STX8: variants seen among roughly 807,000 people sequenced by gnomAD.
STX8 encodes the protein syntaxin 8.
A neutral mutation model predicts 37.5 loss-of-function variants in STX8; 23 were observed. The ratio of observed to expected loss-of-function variants is 0.61; its 90% confidence interval spans 0.44 to 0.87. The LOEUF (loss-of-function observed/expected upper bound fraction) is 0.87, where lower values mean the gene tolerates loss of function less well. STX8 is among the 40% of genes least tolerant of loss of function. The pLI is 0.00. For missense variants in STX8, 313 were observed against 284.7 expected (o/e 1.10, Z -0.71); for synonymous variants, 115 against 99.1 (o/e 1.16, Z -0.95).
intron 3 of STX8, chr17:9,555,117 T>G (rs182281517): frequency 6.6e-6 from 1 of 152,322 alleles, no homozygotes; most frequent in African/African-American, 2.4e-5. Context: ...TTCTAAATTA[T>G]CCACATTAAG....
chr17:9,400,586 G>C (rs1057344954), intron 6 of STX8, among the ~76,000 whole-genome samples: 6 of 151,572 alleles, frequency 4.0e-5, no homozygotes, highest in Non-Finnish European at 1.5e-5. Context: ...TGTATTTTTA[G>C]TAGAGACAGG....
At chr17:9,413,584 T>C (rs1396994654) in intron 6 of STX8, among the ~76,000 whole-genome samples, 1 of 152,164 alleles carries the variant, frequency 6.6e-6, no homozygotes, top group Non-Finnish European at 1.5e-5. Context: ...CCATTGTTTT[T>C]CCCCCTAGTC....
At chr17:9,380,074 T>C (rs975519475) in intron 6 of STX8, among the ~76,000 whole-genome samples, 2 of 152,136 alleles carry the variant, frequency 1.3e-5, no homozygotes, top group Admixed American at 6.6e-5. Context: ...GCATATATAG[T>C]ATAGTACGAT....
chr17:9,468,743 C>T (rs1905721025), intron 6 of STX8, among the ~76,000 whole-genome samples: 1 of 152,184 alleles, frequency 6.6e-6, no homozygotes, highest in Non-Finnish European at 1.5e-5. Context: ...GGGTGTTCCC[C>T]ATCCAATGAC....
chr17:9,477,325 T>G (rs879095349), intron 6 of STX8, among the ~76,000 whole-genome samples: 1 of 152,158 alleles, frequency 6.6e-6, no homozygotes, highest in African/African-American at 2.4e-5. Context: ...TGACATATAA[T>G]TCAGCCCATA....
intron 6 of STX8, among the ~76,000 whole-genome samples, chr17:9,426,570 G>A (rs1332937868): frequency 1.3e-5 from 2 of 151,910 alleles, no homozygotes; most frequent in African/African-American, 2.4e-5. Context: ...GACCTGCCTG[G>A]GCAACACAGT....
intron 6 of STX8, among the ~76,000 whole-genome samples, chr17:9,464,468 T>C (rs1210234239): frequency 1.3e-5 from 2 of 148,782 alleles, no homozygotes; most frequent in Admixed American, 6.7e-5. Context: ...TTAGCAACTT[T>C]AGCAAAATAG....
At chr17:9,369,139 A>G (rs964990362) in intron 7 of STX8, among the ~76,000 whole-genome samples, 10 of 152,304 alleles carry the variant, frequency 6.6e-5, no homozygotes, top group African/African-American at 2.4e-4. Context: ...CACAGATGAT[A>G]TCCACTATCT....
chr17:9,505,260 G>A (rs1904781312), intron 4 of STX8, 98 bp from the exon 5 acceptor site: 3 of 1,404,336 alleles, frequency 2.1e-6, no homozygotes, highest in Non-Finnish European at 2.9e-6. Flanking sequence ...TGAATGCTTT[G>A]AAAATTCAAT....
At chr17:9,445,451 C>A (rs376422635) in intron 6 of STX8, among the ~76,000 whole-genome samples, 2 of 132,286 alleles carry the variant, frequency 1.5e-5, no homozygotes, top group African/African-American at 5.6e-5. Context: ...GAATGGCATG[C>A]CCCTGGGTTT....
Position 9,557,531 on chromosome 17 carries a change from G to C in STX8, c.118-3C>G, listed in dbSNP as rs1409157503. The stretch of plus-strand genomic sequence containing the variant: ...AAAGCTCTGATTGTCACGGTAAGCT[G>C]AAAAGAAAAGAACACATCCTAAGTA... On this transcript the variant is annotated splice_region_variant and splice_polypyrimidine_tract_variant and intron_variant, in intron 2 of 7. Transcript: ENST00000306357. 9 of 1,613,334 alleles carry C rather than the reference G, an allele frequency of 5.6e-6. No individual in the cohort carries two copies. Among genetic ancestry groups the C allele is most frequent in the Non-Finnish European group, 6.8e-6 (8 of 1,179,542 alleles).
chr17:9,252,755 C>T (rs1325459162), intron 7 of STX8, among the ~76,000 whole-genome samples: 1 of 152,114 alleles, frequency 6.6e-6, no homozygotes, highest in Non-Finnish European at 1.5e-5. Context: ...TCTTGGGGCC[C>T]CAAGGTTTCT....
In STX8 at chr17:9,324,006, A is replaced by T. The variant is rs756519195; in HGVS notation, c.643+54546T>A. On this transcript the variant is annotated intron_variant, in intron 7 of 7. Transcript: ENST00000306357. ...CGGTCCTATTTGTGGATCTGACATC[A>T]TGGCCAAAGATTTTAACAGATGAGA... Among the ~76,000 whole-genome samples the T allele has an allele frequency of 4.9e-4, 74 of 152,016 alleles. 2 individuals are homozygous for T. The highest frequency in any genetic ancestry group is 8.8e-5 in the Non-Finnish European group (6 of 68,006).
chr17:9,563,505 A>T (rs1423313356), intron 2 of STX8, among the ~76,000 whole-genome samples: 1 of 151,980 alleles, frequency 6.6e-6, no homozygotes, highest in Non-Finnish European at 1.5e-5. Flanking sequence ...CTTTTATATA[A>T]AAGGAAAAAC....
At chr17:9,461,415 C>G (rs918658278) in intron 6 of STX8, 13 of 152,182 alleles carry the variant, frequency 8.5e-5, no homozygotes, top group Admixed American at 8.5e-4. Flanking sequence ...GCTCAGCTTC[C>G]TTAGAAAATT....
At chr17:9,516,298 CATATATATATATATATAT>C (rs150682084) in intron 4 of STX8, among the ~76,000 whole-genome samples, 885 of 51,738 alleles carry the variant, frequency 0.017, 46 homozygotes, top group African/African-American at 0.045. Context: ...GAACCACAGT[CATATATATATATATATAT>C]ATATATATAT....
chr17:9,350,524 T>TG (rs1240161430), intron 7 of STX8, among the ~76,000 whole-genome samples: 17 of 152,070 alleles, frequency 1.1e-4, no homozygotes, highest in Admixed American at 2.6e-4. Context: ...AAGTGTTTTT[T>TG]TTTTTGTTTT....
intron 6 of STX8, among the ~76,000 whole-genome samples, chr17:9,475,736 T>C (rs527819925): frequency 1.3e-5 from 2 of 152,256 alleles, no homozygotes; most frequent in South Asian, 2.1e-4. Context: ...AGTTTTGTTA[T>C]AGCAAATGGT....
At chr17:9,362,840 A>AATAAATAAAT (rs1555601152) in intron 7 of STX8, among the ~76,000 whole-genome samples, 13 of 115,444 alleles carry the variant, frequency 1.1e-4, no homozygotes, top group African/African-American at 3.9e-4. Context: ...AAAAAAAAAA[A>AATAAATAAAT]AAATAAATAA....
Sources: allele counts gnomAD v4.1 joint callset (sites outside exome capture counted in the v4.1 genomes callset), GRCh38; gene constraint gnomAD v4.1.1; transcripts MANE v1.5; gene names NCBI Gene and HGNC (gene_info 2026-07-23, HGNC 2026-07-21).